The following VANGL1 variants were observed in gnomAD, a reference collection of about 807,000 sequenced individuals.
VANGL1 encodes the protein vang-like protein 1.
VANGL1 carries 18 observed loss-of-function variants against 48.4 expected under a neutral mutation model. The observed-to-expected ratio is 0.37, with a 90% CI of 0.26 to 0.55. VANGL1 has a LOEUF of 0.55. Among genes scored for constraint, VANGL1 ranks in the 20% least tolerant of loss-of-function variants. The pLI is 0.81. For synonymous variants in VANGL1, 257 were observed against 261.8 expected (o/e 0.98, Z 0.18); for missense variants, 667 against 675.8 (o/e 0.99, Z 0.14).
rs1652667900 is a variant in VANGL1 at position 115,663,912 on chromosome 1, C to CT, written c.459dup (p.Ile154TyrfsTer25). 6.2e-7 allele frequency: 1 copy of CT among 1,614,106 alleles called. No homozygotes were observed. The highest frequency in any genetic ancestry group is 1.7e-5 in the Admixed American group (1 of 60,006). On this transcript the variant is annotated frameshift_variant, in exon 4 of 8. Transcript: ENST00000355485. LOFTEE classifies it high-confidence loss of function. ...CTTGTGGCACAATTTGTGAGGGGCTCTTTATCTCCATGGCATTCAAACTCC... is the reference window on the plus strand; with the variant it reads ...CTTGTGGCACAATTTGTGAGGGGCTCTTTTATCTCCATGGCATTCAAACTCC...
intron 4 of VANGL1, among the ~76,000 whole-genome samples, chr1:115,676,944 G>T (rs1653189244): frequency 6.6e-6 from 1 of 152,248 alleles, no homozygotes; most frequent in Non-Finnish European, 1.5e-5. Flanking sequence ...CAGATGAAGA[G>T]TATGAGGTTT....
intron 4 of VANGL1, among the ~76,000 whole-genome samples, chr1:115,669,664 T>C (rs539887758): frequency 2.0e-5 from 3 of 152,166 alleles, no homozygotes; most frequent in Admixed American, 1.3e-4. Context: ...ATGTGCCTTT[T>C]GCCTTCTGCC....
At chr1:115,657,310 TC>T (rs1057019087) in intron 2 of VANGL1, among the ~76,000 whole-genome samples, 7 of 152,162 alleles carry the variant, frequency 4.6e-5, no homozygotes, top group South Asian at 2.1e-4. Context: ...CATGAAATCT[TC>T]CAATTGCTCT....
At chr1:115,666,340 C>T (rs1401148167) in intron 4 of VANGL1, among the ~76,000 whole-genome samples, 1 of 152,194 alleles carries the variant, frequency 6.6e-6, no homozygotes, top group Non-Finnish European at 1.5e-5. Context: ...ACTGGTTGAG[C>T]TGCACACTGC....
Position 115,684,076 on chromosome 1 carries a change from G to T in VANGL1, c.1079G>T (p.Arg360Met). ...CGGCGAGTAAAGAAGCGGAAAGCAA[G>T]GTATACTGCCCTCCTGATGCCAGTA... ...HERRVKKRKA[R>M]LVVAVEEAFI... The change falls in exon 6 of 8, where the codon AGG becomes ATG. Residue 360 changes from arginine to methionine, a missense_variant and splice_region_variant. Physicochemically the swap from Arg to Met is moderately conservative, Grantham distance 91. Transcript: ENST00000355485. The T allele has an allele frequency of 1.2e-6, 2 of 1,613,178 alleles. No individual in the cohort carries two copies. The highest frequency in any genetic ancestry group is 1.1e-5 in the South Asian group (1 of 91,034).
At chr1:115,651,976 C>T (rs111681951) in intron 2 of VANGL1, among the ~76,000 whole-genome samples, 1,882 of 152,144 alleles carry the variant, frequency 0.012, 30 homozygotes, top group African/African-American at 0.043. Context: ...AGGATGGTCT[C>T]GATCTGACCT....
At chr1:115,679,854 G>A (rs1445875234) in intron 4 of VANGL1, among the ~76,000 whole-genome samples, 1 of 152,120 alleles carries the variant, frequency 6.6e-6, no homozygotes, top group Non-Finnish European at 1.5e-5. Flanking sequence ...GGGATGAAGT[G>A]AGTTTGAACC....
chr1:115,679,018 A>G (rs960580790), intron 4 of VANGL1, among the ~76,000 whole-genome samples: 3 of 152,114 alleles, frequency 2.0e-5, no homozygotes, highest in Non-Finnish European at 2.9e-5. Flanking sequence ...ATTTTATTTA[A>G]GTTGTGCACT....
At chr1:115,687,938 GTAGATAGATAGATAGATAGA>G (rs71096827) in intron 7 of VANGL1, among the ~76,000 whole-genome samples, 11 of 112,708 alleles carry the variant, frequency 9.8e-5, no homozygotes, top group East Asian at 7.3e-4. Context: ...CATTCATTAG[GTAGATAGATAGATAGATAGA>G]TAGATAGATA....
chr1:115,675,374 GCCTGTAGTC>G (rs1653124126), intron 4 of VANGL1, among the ~76,000 whole-genome samples: 1 of 152,172 alleles, frequency 6.6e-6, no homozygotes, highest in South Asian at 2.1e-4. Context: ...GGTGGCATGT[GCCTGTAGTC>G]CCAGCTACTC....
At chr1:115,660,059 G>A (rs960559033) in intron 3 of VANGL1, among the ~76,000 whole-genome samples, 8 of 152,072 alleles carry the variant, frequency 5.3e-5, no homozygotes, top group African/African-American at 1.4e-4. Context: ...AGTCTCCCAC[G>A]ACTCATTTCA....
In VANGL1 at chr1:115,697,958, A is replaced by AAATG. The variant is rs1654087803; in HGVS notation, c.*6589_*6592dup. 2 of 152,246 alleles carry AAATG rather than the reference A, an allele frequency of 1.3e-5. No homozygotes were observed. Among genetic ancestry groups the AAATG allele is most frequent in the Admixed American group, 1.3e-4 (2 of 15,284 alleles). The allele number at this position is 152,246 out of a possible 1,614,324, so 9.4% of individuals were successfully genotyped here. A position where few individuals can be genotyped will look rare whatever the true frequency, so the allele number is the denominator to read the frequency against. On this transcript the variant is annotated 3_prime_UTR_variant, in exon 8 of 8. Coordinates refer to ENST00000355485, the MANE Select transcript of VANGL1 (RefSeq NM_138959.3). ...TCTTTTGACACATTTGCAAGCATGTAAATGAATGAATGACACTACCAGCAA... is the reference window on the plus strand; with the variant it reads ...TCTTTTGACACATTTGCAAGCATGTAAATGAATGAATGAATGACACTACCAGCAA...
At chr1:115,676,896 T>A (rs954877195) in intron 4 of VANGL1, among the ~76,000 whole-genome samples, 2 of 152,220 alleles carry the variant, frequency 1.3e-5, no homozygotes, top group Non-Finnish European at 2.9e-5. Flanking sequence ...CCACTTATCA[T>A]GGTAATCAGG....
At chr1:115,675,410 G>A (rs1653125784) in intron 4 of VANGL1, among the ~76,000 whole-genome samples, 1 of 152,178 alleles carries the variant, frequency 6.6e-6, no homozygotes, top group Non-Finnish European at 1.5e-5. Context: ...GCCGAGGCAC[G>A]AGAATTGCTT....
intron 4 of VANGL1, among the ~76,000 whole-genome samples, chr1:115,677,152 T>C (rs1345044537): frequency 2.0e-5 from 3 of 152,248 alleles, no homozygotes; most frequent in Non-Finnish European, 4.4e-5. Context: ...TGTATTTTTT[T>C]CTTCAGAATT....
At chr1:115,645,818 TACCAGAC>T (rs969312915) in intron 1 of VANGL1, among the ~76,000 whole-genome samples, 1 of 152,228 alleles carries the variant, frequency 6.6e-6, no homozygotes, top group African/African-American at 2.4e-5. Context: ...AGCATGGTTG[TACCAGAC>T]ACCACTTTTC....
Position 115,685,283 on chromosome 1 carries a change from C to T in VANGL1, c.1080-10C>T. On this transcript the variant is annotated splice_polypyrimidine_tract_variant and intron_variant, in intron 6 of 7. Transcript: ENST00000355485. ...CCATCCTGATTACTTAGTGTTGCAT[C>T]ACCTTCTAGGCTGGTGGTTGCAGTG... The T allele has an allele frequency of 6.2e-7, 1 of 1,613,814 alleles. No homozygotes were observed. The highest frequency in any genetic ancestry group is 8.5e-7 in the Non-Finnish European group (1 of 1,179,794).
intron 7 of VANGL1, among the ~76,000 whole-genome samples, chr1:115,690,258 G>A (rs527309847): frequency 1.1e-4 from 17 of 152,328 alleles, no homozygotes; most frequent in Non-Finnish European, 2.5e-4. Flanking sequence ...GTGATTACAG[G>A]AGCCTGAAGG....
rs117942320 is a variant in VANGL1 at position 115,678,390 on chromosome 1, G to T, written c.813-3974G>T. Among the ~76,000 whole-genome samples the T allele has an allele frequency of 5.3e-4, 81 of 152,282 alleles. 1 individual carries two copies. In the East Asian group the frequency reaches 0.014, roughly 26 times the overall value. The stretch of plus-strand genomic sequence containing the variant: ...CTGCTCCCTGCATCCTGGCCTCCCG[G>T]GGCTATGACTGAGGCCATGGCATAG... On this transcript the variant is annotated intron_variant, in intron 4 of 7. Transcript: ENST00000355485.
Sources: allele counts gnomAD v4.1 joint callset (sites outside exome capture counted in the v4.1 genomes callset), GRCh38; gene constraint gnomAD v4.1.1; transcripts MANE v1.5; gene names NCBI Gene and HGNC (gene_info 2026-07-23, HGNC 2026-07-21).